SLC24A2: variants seen among roughly 807,000 people sequenced by gnomAD.
The protein encoded by SLC24A2 is solute carrier family 24 member 2, also known as sodium/potassium/calcium exchanger 2.
A neutral mutation model predicts 62.0 loss-of-function variants in SLC24A2; 36 were observed. That is an observed-to-expected ratio of 0.58 (90% CI 0.44 to 0.77). The LOEUF (loss-of-function observed/expected upper bound fraction) is 0.77. SLC24A2 is among the 30% of genes least tolerant of loss of function. The probability of loss-of-function intolerance (pLI) is 0.00; values close to 1 mark genes in which losing one functional copy is unlikely to be tolerated. For missense variants in SLC24A2, 846 were observed against 817.9 expected (o/e 1.03, Z -0.42); for synonymous variants, 358 against 294.0 (o/e 1.22, Z -2.23).
the SLC24A2 span, among the ~76,000 whole-genome samples, chr9:20,118,541 G>GT: frequency 8.6e-5 from 13 of 151,346 alleles, no homozygotes; most frequent in East Asian, 3.9e-4. Flanking sequence ...CTGTTCTTAA[G>GT]TTTTTTTTTA....
intron 2 of SLC24A2, among the ~76,000 whole-genome samples, chr9:19,678,542 T>C (rs1467414108): frequency 1.3e-5 from 2 of 152,224 alleles, no homozygotes; most frequent in Non-Finnish European, 2.9e-5. Flanking sequence ...GCAGGTTCTA[T>C]TTCTTGTCTT....
the SLC24A2 span, among the ~76,000 whole-genome samples, chr9:20,242,904 C>G: frequency 3.3e-5 from 5 of 152,168 alleles, no homozygotes; most frequent in Non-Finnish European, 7.3e-5. Flanking sequence ...GCCTGTTCTT[C>G]AGCCTTTGAA....
At chr9:19,866,473 G>A in the SLC24A2 span, among the ~76,000 whole-genome samples, 1 of 152,086 alleles carries the variant, frequency 6.6e-6, no homozygotes, top group African/African-American at 2.4e-5. Context: ...CAGATGACTG[G>A]ATAAAGAGAA....
chr9:19,554,833 C>T (rs537874757), intron 7 of SLC24A2, among the ~76,000 whole-genome samples: 9 of 152,260 alleles, frequency 5.9e-5, no homozygotes, highest in East Asian at 1.9e-4. Flanking sequence ...AAGGGCCATT[C>T]GTGCCCTGGA....
chr9:19,624,881 C>T (rs1221751367), intron 2 of SLC24A2, among the ~76,000 whole-genome samples: 1 of 152,166 alleles, frequency 6.6e-6, no homozygotes, highest in South Asian at 2.1e-4. Flanking sequence ...CTTAGCCTTG[C>T]TCTAATTGCA....
the SLC24A2 span, among the ~76,000 whole-genome samples, chr9:20,091,083 G>A: frequency 6.6e-6 from 1 of 151,104 alleles, no homozygotes; most frequent in African/African-American, 2.4e-5. Flanking sequence ...TAGCAGGATA[G>A]ACCAAGCTGA....
chr9:19,758,229 C>T (rs962600989), intron 2 of SLC24A2, among the ~76,000 whole-genome samples: 5 of 152,052 alleles, frequency 3.3e-5, no homozygotes, highest in African/African-American at 1.2e-4. Context: ...AAGAAAATAA[C>T]CTACCTACCA....
intron 2 of SLC24A2, among the ~76,000 whole-genome samples, chr9:19,741,868 A>G (rs1465963516): frequency 1.3e-5 from 2 of 152,240 alleles, no homozygotes; most frequent in African/African-American, 4.8e-5. Flanking sequence ...CAGAACAGCA[A>G]TTTCAATTAT....
At position 19,576,942 on chromosome 9, in the gene SLC24A2, C is replaced by T. The variant is rs1376587297; in HGVS notation, c.1210G>A (p.Gly404Arg). 5 of 1,613,812 alleles carry T rather than the reference C, an allele frequency of 3.1e-6. No individual in the cohort carries two copies. In the Admixed American group the frequency reaches 8.3e-5, roughly 27 times the overall value. Reference sequence around the variant, plus strand: ...CACTCACCCACGTGGTTGGCAGCCCCATTCTGCCTCTCGTTCTCATCCACA... The same window carrying T: ...CACTCACCCACGTGGTTGGCAGCCCTATTCTGCCTCTCGTTCTCATCCACA... ...CHVDENERQN[G>R]AANHVEKIEL... Residue 404 changes from glycine (G) to arginine (R), a missense_variant, in exon 6 of 11, where the codon GGG becomes AGG. Physicochemically the swap from Gly to Arg is moderately radical, Grantham distance 125. Transcript: ENST00000341998.
At chr9:20,259,257 T>C in the SLC24A2 span, among the ~76,000 whole-genome samples, 10 of 152,332 alleles carry the variant, frequency 6.6e-5, no homozygotes, top group Admixed American at 3.9e-4. Flanking sequence ...ACTTCCAGAA[T>C]TGTAAGATTA....
At chr9:20,102,305 C>T in the SLC24A2 span, among the ~76,000 whole-genome samples, 1 of 149,460 alleles carries the variant, frequency 6.7e-6, no homozygotes, top group Non-Finnish European at 1.5e-5. Flanking sequence ...GAATACTATG[C>T]AGCCATAAAA....
At chr9:20,156,346 C>A in the SLC24A2 span, among the ~76,000 whole-genome samples, 1 of 151,826 alleles carries the variant, frequency 6.6e-6, no homozygotes, top group South Asian at 2.1e-4. Context: ...CCTTGGGAAG[C>A]ATTTGATTCT....
At chr9:20,057,245 G>A in the SLC24A2 span, among the ~76,000 whole-genome samples, 33 of 152,270 alleles carry the variant, frequency 2.2e-4, no homozygotes, top group South Asian at 1.0e-3. Context: ...AAATTTGAGC[G>A]TGTGATGCTC....
the SLC24A2 span, among the ~76,000 whole-genome samples, chr9:19,834,215 G>A: frequency 6.6e-6 from 1 of 152,176 alleles, no homozygotes; most frequent in Non-Finnish European, 1.5e-5. Flanking sequence ...ATGGAACAAA[G>A]CTGGATGGAG....
At chr9:20,069,212 A>C in the SLC24A2 span, among the ~76,000 whole-genome samples, 2 of 152,156 alleles carry the variant, frequency 1.3e-5, no homozygotes, top group Admixed American at 6.5e-5. Flanking sequence ...ACTTTGCTGA[A>C]CTTAGTAAGG....
chr9:19,517,748 C>A (rs1324963213), intron 10 of SLC24A2, among the ~76,000 whole-genome samples: 2 of 151,882 alleles, frequency 1.3e-5, no homozygotes, highest in Non-Finnish European at 2.9e-5. Context: ...GAGGGGGCAG[C>A]CTTGGCATCC....
chr9:20,232,815 G>C, the SLC24A2 span, among the ~76,000 whole-genome samples: 1 of 152,124 alleles, frequency 6.6e-6, no homozygotes, highest in Admixed American at 6.6e-5. Context: ...TAAGTGTGAT[G>C]TTAGGGTGTC....
the SLC24A2 span, among the ~76,000 whole-genome samples, chr9:20,022,956 A>G: frequency 6.6e-6 from 1 of 152,218 alleles, no homozygotes; most frequent in African/African-American, 2.4e-5. Context: ...TATGGTCATG[A>G]AGAAGGTGGG....
chr9:20,066,471 T>C, the SLC24A2 span, among the ~76,000 whole-genome samples: 1 of 152,184 alleles, frequency 6.6e-6, no homozygotes, highest in Admixed American at 6.5e-5. Flanking sequence ...TCTGAATTAT[T>C]CAACTGCTAA....
Sources: gnomAD v4.1 joint callset for allele counts (sites outside exome capture counted in the v4.1 genomes callset) on GRCh38, gnomAD v4.1.1 for gene constraint, MANE v1.5 for transcripts, NCBI Gene and HGNC (gene_info 2026-07-23, HGNC 2026-07-21) for gene names.